The following MOCS2 variants were observed in gnomAD, a reference collection of about 807,000 sequenced individuals.
MOCS2 encodes the protein molybdenum cofactor synthesis 2.
In MOCS2, 13 loss-of-function variants were observed where a neutral mutation model predicts 21.9. The ratio of observed to expected loss-of-function variants is 0.59; its 90% CI spans 0.39 to 0.94. The LOEUF (loss-of-function observed/expected upper bound fraction) is 0.94. Among genes scored for constraint, MOCS2 ranks in the 40% least tolerant of loss-of-function variants. The probability of loss-of-function intolerance (pLI) is 0.00; values close to 1 mark genes in which losing one functional copy is unlikely to be tolerated. For synonymous variants in MOCS2, 92 were observed against 80.8 expected, an observed-to-expected ratio of 1.14 and a Z score of -0.74; for missense variants, 227 against 218.3, an observed-to-expected ratio of 1.04 and a Z score of -0.25.
intron 3 of MOCS2, among the ~76,000 whole-genome samples, chr5:53,103,599 T>C (rs1740975607): frequency 6.6e-6 from 1 of 152,100 alleles, no homozygotes. Flanking sequence ...ACATACTCAC[T>C]AAGGGCCAGA....
At position 53,098,501 on chromosome 5, in the gene MOCS2, G is replaced by T; in HGVS notation, c.*101C>A. 3.0e-6 allele frequency: 3 copies of T among 1,003,662 alleles called. No homozygotes were observed. Among genetic ancestry groups the T allele is most frequent in the African/African-American group, 1.6e-5 (1 of 62,602 alleles). The allele number at this position is 1,003,662 out of a possible 1,614,324, so 62.2% of individuals were successfully genotyped here. A position where few individuals can be genotyped will look rare whatever the true frequency, so the allele number is the denominator to read the frequency against. On this transcript the variant is annotated 3_prime_UTR_variant, in exon 7 of 7. Coordinates refer to ENST00000396954, the MANE Select transcript of MOCS2 (RefSeq NM_004531.5). Reference sequence around the variant, plus strand: ...TTGTCCCACTAGTATAAGAGATTGTGCTTCAGTAAACTATCCTGATGTGGA... The same window carrying T: ...TTGTCCCACTAGTATAAGAGATTGTTCTTCAGTAAACTATCCTGATGTGGA...
chr5:53,102,341 G>T, intron 3 of MOCS2, 117 bp from the exon 4 acceptor site: 2 of 1,006,334 alleles, frequency 2.0e-6, no homozygotes, highest in East Asian at 2.6e-5. Context: ...AAAGGAAGAG[G>T]CTGTGGCACA....
At position 53,096,442 on chromosome 5, in the gene MOCS2, A is replaced by G. The variant is rs1367196075; in HGVS notation, c.*2160T>C. The G allele has an allele frequency of 2.0e-5, 3 of 152,362 alleles. No individual in the cohort carries two copies. The East Asian group carries it at 5.8e-4, about 29-fold the overall frequency. 9.4% of individuals were successfully genotyped at this position (152,362 alleles called of 1,614,324 possible). ...ACTTACCTAGCAATCATGCAAAGTC[A>G]CGGCTTTAAAGTGACCAAGAAACAC... is the stretch of plus-strand genomic sequence containing the variant. On this transcript the variant is annotated 3_prime_UTR_variant, in exon 7 of 7. Coordinates refer to ENST00000396954, the MANE Select transcript of MOCS2 (RefSeq NM_004531.5).
rs1442332741 is a variant in MOCS2 at position 53,109,364 on chromosome 5, C to A, written c.-283G>T. On this transcript the variant is annotated 5_prime_UTR_variant, in exon 1 of 7. It removes an upstream start codon present in the reference 5' UTR. Coordinates refer to ENST00000396954, the MANE Select transcript of MOCS2 (RefSeq NM_004531.5). Reference sequence around the variant, plus strand: ...CTTCACAAGAATTCTCCATGAGGTGCATTTCTTTTTAGATTAAAATTTTAG... The same window carrying A: ...CTTCACAAGAATTCTCCATGAGGTGAATTTCTTTTTAGATTAAAATTTTAG... 7.9e-6 allele frequency: 9 copies of A among 1,145,542 alleles called. No individual in the cohort carries two copies. In the South Asian group the frequency reaches 1.9e-4, roughly 24 times the overall value. 71.0% of individuals were successfully genotyped at this position (1,145,542 alleles called of 1,614,324 possible).
At chr5:53,101,280 G>T in intron 5 of MOCS2, 79 bp downstream of exon 5, 1 of 1,398,154 alleles carries the variant, frequency 7.2e-7, no homozygotes, top group Middle Eastern at 1.8e-4. Flanking sequence ...GAATTACTAA[G>T]AAAGATTCAA....
intron 6 of MOCS2, among the ~76,000 whole-genome samples, chr5:53,099,418 A>G (rs75330104): frequency 0.014 from 2,120 of 152,260 alleles, 62 homozygotes; most frequent in African/African-American, 0.049. Context: ...AGCTGATCTT[A>G]GAATGCTCTT....
chr5:53,103,529 A>G (rs1205255999), intron 3 of MOCS2, among the ~76,000 whole-genome samples: 4 of 152,222 alleles, frequency 2.6e-5, no homozygotes, highest in Non-Finnish European at 5.9e-5. Flanking sequence ...ACACTTACTT[A>G]CTAGGTATTG....
intron 2 of MOCS2, 102 bp downstream of exon 2, chr5:53,108,420 C>A: frequency 8.7e-7 from 1 of 1,145,616 alleles, no homozygotes; most frequent in Non-Finnish European, 1.3e-6. Flanking sequence ...TTCTTTTTGA[C>A]ATTAAGCACG....
At chr5:53,103,707 A>C (rs1740977373) in intron 3 of MOCS2, among the ~76,000 whole-genome samples, 1 of 152,216 alleles carries the variant, frequency 6.6e-6, no homozygotes, top group Non-Finnish European at 1.5e-5. Flanking sequence ...AAAGCATTAC[A>C]GGAGAAACTC....
chr5:53,106,529 T>C (rs1472634569), intron 3 of MOCS2, among the ~76,000 whole-genome samples: 3 of 151,980 alleles, frequency 2.0e-5, no homozygotes, highest in South Asian at 2.1e-4. Flanking sequence ...AAGGAAACCA[T>C]AGACACTGGA....
rs1740789658 is a variant in MOCS2 at position 53,097,855 on chromosome 5, G to C, written c.*747C>G. The C allele has an allele frequency of 6.6e-6, 1 of 151,954 alleles. No homozygotes were observed. Among genetic ancestry groups the C allele is most frequent in the African/African-American group, 2.4e-5 (1 of 41,346 alleles). The allele number at this position is 151,954 out of a possible 1,614,324, so 9.4% of individuals were successfully genotyped here. A position where few individuals can be genotyped will look rare whatever the true frequency, so the allele number is the denominator to read the frequency against. On this transcript the variant is annotated 3_prime_UTR_variant, in exon 7 of 7. Transcript: ENST00000396954. ...ATAAAGCTTAACCAGTTAAAAATTG[G>C]GGCATTGTTTACCTAAACATTTCAA...
chr5:53,098,641 C>G lies in MOCS2; in HGVS notation c.528G>C (p.Trp176Cys). 1 of 1,613,826 alleles carries G rather than the reference C, an allele frequency of 6.2e-7. No homozygotes were observed. The highest frequency in any genetic ancestry group is 8.5e-7 in the Non-Finnish European group (1 of 1,179,834). ...KKEIYEESST[W>C]KGNKECFWAS... Reference sequence around the variant, plus strand: ...CCCAAAAGCACTCTTTGTTTCCTTTCCAAGTTGATGACTCTTCGTATATTT... The same window carrying G: ...CCCAAAAGCACTCTTTGTTTCCTTTGCAAGTTGATGACTCTTCGTATATTT... The change falls in exon 7 of 7, where the codon TGG (tryptophan) becomes TGC (cysteine). Residue 176 changes from tryptophan (W) to cysteine (C), a missense_variant. Trp to Cys is a radical substitution (Grantham distance 215). Coordinates refer to ENST00000396954, the MANE Select transcript of MOCS2 (RefSeq NM_004531.5).
chr5:53,103,640 G>A (rs935539786), intron 3 of MOCS2, among the ~76,000 whole-genome samples: 6 of 152,088 alleles, frequency 3.9e-5, no homozygotes, highest in Non-Finnish European at 5.9e-5. Flanking sequence ...TATCAATCAG[G>A]GGAGAAAGAA....
intron 5 of MOCS2, 27 bp from the exon 6 acceptor site, chr5:53,100,561 A>G (rs1740882328): frequency 6.2e-7 from 1 of 1,612,188 alleles, no homozygotes; most frequent in Non-Finnish European, 8.5e-7. Context: ...AGAAAAAAAA[A>G]TCACCATCAT....
rs2112090960 is a variant in MOCS2, at chr5:53,107,179, T to C, written c.-5A>G. On this transcript the variant is annotated 5_prime_UTR_variant, in exon 3 of 7. Transcript: ENST00000396954. ...GCTGATCTCCAAGCTCGACATATTC[T>C]TGACGAACAGCAAATATTATCTGAT... The C allele has an allele frequency of 6.2e-7, 1 of 1,614,136 alleles. No individual in the cohort carries two copies. The highest frequency in any genetic ancestry group is 1.1e-5 in the South Asian group (1 of 91,072).
At chr5:53,102,423 T>C (rs1740938838) in intron 3 of MOCS2, among the ~76,000 whole-genome samples, 199 bp from the exon 4 acceptor site, 1 of 152,112 alleles carries the variant, frequency 6.6e-6, no homozygotes, top group African/African-American at 2.4e-5. Context: ...GGGAGTTCCT[T>C]TGGGGAGCAC....
In MOCS2 at chr5:53,100,572, C is replaced by A. The variant is rs764250313; in HGVS notation, c.378-38G>T. On this transcript the variant is annotated intron_variant, in intron 5 of 6. Transcript: ENST00000396954. ...GAAGAGAAAAAAAAATCACCATCAT[C>A]TCTGAATCTACGTGTTAAAGAATCT... 1.9e-6 allele frequency: 3 copies of A among 1,609,904 alleles called. No individual in the cohort carries two copies. The South Asian group carries it at 3.3e-5, about 18-fold the overall frequency.
rs938224454 is a variant in MOCS2, at chr5:53,096,508, T to C, written c.*2094A>G. The C allele has an allele frequency of 6.6e-6, 1 of 151,806 alleles. No individual in the cohort carries two copies. 9.4% of individuals were successfully genotyped at this position (151,806 alleles called of 1,614,324 possible). ...TAAAGGCTAATTATTTTTTTTAGATTACTCTTCTAGTTACTTGAAGCTAAG... is the reference window on the plus strand; with the variant it reads ...TAAAGGCTAATTATTTTTTTTAGATCACTCTTCTAGTTACTTGAAGCTAAG... On this transcript the variant is annotated 3_prime_UTR_variant, in exon 7 of 7. Transcript: ENST00000396954.
rs1311515382 is a variant in MOCS2 at position 53,098,650 on chromosome 5, T to A, written c.519A>T (p.Ser173=). The A allele has an allele frequency of 2.5e-6, 4 of 1,613,590 alleles. No homozygotes were observed. The highest frequency in any genetic ancestry group is 3.4e-6 in the Non-Finnish European group (4 of 1,179,698). The part of the protein sequence containing the change: ...PIWKKEIYEE[S]STWKGNKECF... The stretch of plus-strand genomic sequence containing the variant: ...ACTCTTTGTTTCCTTTCCAAGTTGA[T>A]GACTCTTCGTATATTTCCTAAAAAA... Residue 173 remains serine (S), a synonymous_variant, in exon 7 of 7, where the codon TCA becomes TCT. Coordinates refer to ENST00000396954, the MANE Select transcript of MOCS2 (RefSeq NM_004531.5).
Sources: gnomAD v4.1 joint callset for allele counts (sites outside exome capture counted in the v4.1 genomes callset) on GRCh38, gnomAD v4.1.1 for gene constraint, MANE v1.5 for transcripts, NCBI Gene and HGNC (gene_info 2026-07-23, HGNC 2026-07-21) for gene names.